Variants in COL4A2 observed in about 807,000 individuals in gnomAD.
COL4A2 encodes collagen type IV alpha 2 chain, also known as collagen alpha-2(IV) chain.
COL4A2 carries 99 observed loss-of-function variants against 200.2 expected under a neutral mutation model. That is an observed-to-expected ratio of 0.49 (90% confidence interval 0.42 to 0.58). COL4A2 has a LOEUF of 0.58. COL4A2 is among the 20% of genes least tolerant of loss of function. The pLI is 0.00. For missense variants in COL4A2, 1,950 were observed against 2,314.1 expected, an observed-to-expected ratio of 0.84 and a Z score of 3.23; for synonymous variants, 897 against 900.6, an observed-to-expected ratio of 1.00 and a Z score of 0.07.
chr13:110,326,358 T>C (rs539765642), intron 3 of COL4A2, among the ~76,000 whole-genome samples: 2 of 152,258 alleles, frequency 1.3e-5, no homozygotes, highest in African/African-American at 4.8e-5. Flanking sequence ...AAAGGTGCAA[T>C]TCCTGCACTT....
chr13:110,423,542 TAATAA>T (rs774261082), intron 4 of COL4A2, among the ~76,000 whole-genome samples: 22 of 152,258 alleles, frequency 1.4e-4, no homozygotes, highest in African/African-American at 4.1e-4. Context: ...TCCAGGGTAC[TAATAA>T]AATAAAATAA....
At chr13:110,359,196 C>T (rs1344482982) in intron 4 of COL4A2, among the ~76,000 whole-genome samples, 2 of 152,158 alleles carry the variant, frequency 1.3e-5, no homozygotes, top group African/African-American at 4.8e-5. Context: ...AAATCATCAC[C>T]ATTACATCTG....
chr13:110,414,970 G>A (rs1032628457), intron 4 of COL4A2, among the ~76,000 whole-genome samples: 5 of 152,172 alleles, frequency 3.3e-5, no homozygotes, highest in Admixed American at 2.0e-4. Context: ...TTCTGTAGCA[G>A]CAGCACTCTG....
chr13:110,384,018 G>A (rs983553233), intron 4 of COL4A2, among the ~76,000 whole-genome samples: 1 of 152,204 alleles, frequency 6.6e-6, no homozygotes, highest in Non-Finnish European at 1.5e-5. Flanking sequence ...GGACTGCTGT[G>A]CAGGCGGTAA....
chr13:110,387,692 C>T (rs1049802172), intron 4 of COL4A2, among the ~76,000 whole-genome samples: 6 of 152,214 alleles, frequency 3.9e-5, no homozygotes, highest in African/African-American at 1.2e-4. Context: ...CACCTCAGCC[C>T]GGAGACTCGG....
At chr13:110,488,850 CTG>C (rs1235989141) in intron 34 of COL4A2, among the ~76,000 whole-genome samples, 1 of 152,226 alleles carries the variant, frequency 6.6e-6, no homozygotes, top group East Asian at 1.9e-4. Flanking sequence ...CATCACCACA[CTG>C]TCGTGATGGA....
intron 3 of COL4A2, among the ~76,000 whole-genome samples, chr13:110,311,388 C>T (rs1194519528): frequency 6.6e-6 from 1 of 152,212 alleles, no homozygotes; most frequent in African/African-American, 2.4e-5. Context: ...GGCAGTGTGA[C>T]ACAGGGGTCC....
At chr13:110,351,490 C>T (rs192039713) in intron 3 of COL4A2, among the ~76,000 whole-genome samples, 4 of 152,338 alleles carry the variant, frequency 2.6e-5, no homozygotes, top group Admixed American at 2.6e-4. Flanking sequence ...CTCTTCCTTG[C>T]AGCTCAGAGA....
At position 110,512,466 on chromosome 13, in the gene COL4A2, C is replaced by T; in HGVS notation, c.*275C>T. On this transcript the variant is annotated 3_prime_UTR_variant, in exon 48 of 48. Coordinates refer to ENST00000360467, the MANE Select transcript of COL4A2 (RefSeq NM_001846.4). Reference sequence around the variant, plus strand: ...CGCACCGCCTGAAGGCACAGCTAACCACTTCGCACACACCCATGTAACCAC... The same window carrying T: ...CGCACCGCCTGAAGGCACAGCTAACTACTTCGCACACACCCATGTAACCAC... 1 of 524,648 alleles carries T rather than the reference C, an allele frequency of 1.9e-6. No homozygotes were observed. The highest frequency in any genetic ancestry group is 3.4e-6 in the Non-Finnish European group (1 of 297,248). 32.5% of individuals were successfully genotyped at this position (524,648 alleles called of 1,614,324 possible). A position where few individuals can be genotyped will look rare whatever the true frequency, so the allele number is the denominator to read the frequency against.
At chr13:110,355,041 G>C (rs1401796904) in intron 3 of COL4A2, among the ~76,000 whole-genome samples, 1 of 152,246 alleles carries the variant, frequency 6.6e-6, no homozygotes, top group Non-Finnish European at 1.5e-5. Context: ...TCATTGACAC[G>C]TAACTCAGAA....
chr13:110,429,659 C>G (rs1411111998), intron 7 of COL4A2, among the ~76,000 whole-genome samples: 1 of 152,074 alleles, frequency 6.6e-6, no homozygotes, highest in Non-Finnish European at 1.5e-5. Context: ...TAAAGTATTT[C>G]TGTTTTAACT....
At position 110,307,927 on chromosome 13, in the gene COL4A2, G is replaced by A. The variant is rs776137096; in HGVS notation, c.24G>A (p.Val8=). 1.2e-6 allele frequency: 2 copies of A among 1,612,960 alleles called. No homozygotes were observed. Among genetic ancestry groups the A allele is most frequent in the Admixed American group, 3.3e-5 (2 of 59,982 alleles). ...GCATGGGGAGAGACCAGCGCGCGGT[G>A]GCCGGCCCTGCCCTACGGCGGTAAG... is the stretch of plus-strand genomic sequence containing the variant. MGRDQRA[V]AGPALRRWLL... Residue 8 remains valine (V), a synonymous_variant, in exon 2 of 48, where the codon GTG becomes GTA. Transcript: ENST00000360467. This position sits in a 1 kb window ranked among gnomAD's most constrained non-coding sequence, Gnocchi z 5.0.
At chr13:110,509,270 T>TATACACACACACACACACACAC (rs1435137108) in intron 47 of COL4A2, among the ~76,000 whole-genome samples, 4 of 115,600 alleles carry the variant, frequency 3.5e-5, no homozygotes, top group African/African-American at 1.4e-4. Context: ...TATATATATA[T>TATACACACACACACACACACAC]ACACACACAC....
At chr13:110,394,254 CGTGT>C (rs1197220986) in intron 4 of COL4A2, among the ~76,000 whole-genome samples, 2 of 152,110 alleles carry the variant, frequency 1.3e-5, no homozygotes, top group African/African-American at 4.8e-5. Context: ...TCTGTGTGTG[CGTGT>C]GTGTGTCTGT....
intron 3 of COL4A2, among the ~76,000 whole-genome samples, chr13:110,333,581 G>A (rs1331417074): frequency 6.6e-6 from 1 of 152,160 alleles, no homozygotes; most frequent in Admixed American, 6.5e-5. Context: ...TACCTAAGAT[G>A]GGTTATGATT....
intron 32 of COL4A2, among the ~76,000 whole-genome samples, chr13:110,483,406 G>T (rs1300841522): frequency 6.6e-6 from 1 of 152,220 alleles, no homozygotes; most frequent in Non-Finnish European, 1.5e-5. Context: ...CCTAGATGAA[G>T]ATCATTGAAA....
At chr13:110,449,552 ACTC>A (rs1881453941) in intron 18 of COL4A2, 124 bp from the exon 19 acceptor site, 2 of 837,150 alleles carry the variant, frequency 2.4e-6, no homozygotes, top group African/African-American at 3.4e-5. Context: ...AATCATCTTA[ACTC>A]CTCATCAGGC....
chr13:110,457,588 C>A, intron 21 of COL4A2, 153 bp downstream of exon 21: 1 of 704,226 alleles, frequency 1.4e-6, no homozygotes, highest in Non-Finnish European at 2.6e-6. Flanking sequence ...GGCGGTGGCA[C>A]TGAGAGGGAG....
At chr13:110,329,443 T>G (rs1319287367) in intron 3 of COL4A2, among the ~76,000 whole-genome samples, 1 of 152,190 alleles carries the variant, frequency 6.6e-6, no homozygotes, top group African/African-American at 2.4e-5. Flanking sequence ...TAGTGGTCCC[T>G]CCGTACCACA....
Sources: allele counts gnomAD v4.1 joint callset (sites outside exome capture counted in the v4.1 genomes callset), GRCh38; gene constraint gnomAD v4.1.1; non-coding constraint Gnocchi (gnomAD v3.1); transcripts MANE v1.5; gene names NCBI Gene and HGNC (gene_info 2026-07-23, HGNC 2026-07-21).